The following SLCO1B1 variants were observed in gnomAD, a reference collection of about 807,000 sequenced individuals.
SLCO1B1 encodes OATP-2.
SLCO1B1 carries 81 observed loss-of-function variants against 70.1 expected under a neutral mutation model. The observed-to-expected ratio is 1.16, with a 90% CI of 0.97 to 1.39. The LOEUF is 1.39. Among genes scored for constraint, SLCO1B1 ranks in the 40% most tolerant of loss-of-function variants. The pLI is 0.00. For synonymous variants in SLCO1B1, 283 were observed against 271.5 expected, an observed-to-expected ratio of 1.04 and a Z score of -0.42; for missense variants, 895 against 799.6, an observed-to-expected ratio of 1.12 and a Z score of -1.44.
At chr12:21,153,544 G>A (rs1298264728) in intron 2 of SLCO1B1, among the ~76,000 whole-genome samples, 1 of 151,944 alleles carries the variant, frequency 6.6e-6, no homozygotes, top group Non-Finnish European at 1.5e-5. Context: ...TAATAAAAAT[G>A]CATATTCCAT....
chr12:21,208,689 C>T (rs1941242552), intron 11 of SLCO1B1, among the ~76,000 whole-genome samples: 1 of 151,970 alleles, frequency 6.6e-6, no homozygotes, highest in Non-Finnish European at 1.5e-5. Flanking sequence ...GATAAGAATA[C>T]CATTGAATCT....
At position 21,239,086 on chromosome 12, in the gene SLCO1B1, CAT is replaced by C. The variant is rs752880224; in HGVS notation, c.1974_1975del (p.Ser659ArgfsTer8). 10 of 1,600,538 alleles carry C rather than the reference CAT, an allele frequency of 6.2e-6. No individual in the cohort carries two copies. In the African/African-American group the frequency reaches 1.3e-4, roughly 21 times the overall value. ...AAATATCAAGAGAAAGATATCAATGCATCAGAAAATGGAAGTGTCATGGATGA... is the reference window on the plus strand; with the variant it reads ...AAATATCAAGAGAAAGATATCAATGCCAGAAAATGGAAGTGTCATGGATGA... On this transcript the variant is annotated frameshift_variant, in exon 15 of 15. Transcript: ENST00000256958. LOFTEE classifies it low-confidence loss of function (END_TRUNC).
intron 8 of SLCO1B1, among the ~76,000 whole-genome samples, chr12:21,198,984 A>G (rs1460575237): frequency 6.6e-6 from 1 of 152,122 alleles, no homozygotes; most frequent in African/African-American, 2.4e-5. Context: ...CAAATCAGGG[A>G]TGGTTTTTCA....
chr12:21,133,331 A>G (rs951978753), intron 1 of SLCO1B1, among the ~76,000 whole-genome samples: 2 of 152,108 alleles, frequency 1.3e-5, no homozygotes, highest in Admixed American at 1.3e-4. Context: ...TTTTGGTTCC[A>G]TATGAACTTT....
intron 2 of SLCO1B1, among the ~76,000 whole-genome samples, chr12:21,167,818 CT>C (rs202063952): frequency 0.02 from 2,603 of 131,984 alleles, 64 homozygotes; most frequent in African/African-American, 0.054. Flanking sequence ...TCTTTCTTTT[CT>C]TTTTTTTTTT....
chr12:21,144,672 C>T (rs1210300279), intron 2 of SLCO1B1, among the ~76,000 whole-genome samples: 3 of 152,062 alleles, frequency 2.0e-5, no homozygotes, highest in Non-Finnish European at 2.9e-5. Flanking sequence ...AGAGAAGGGG[C>T]AGGTCACTTA....
intron 5 of SLCO1B1, among the ~76,000 whole-genome samples, chr12:21,177,595 G>A (rs538179700): frequency 3.2e-4 from 48 of 152,024 alleles, no homozygotes; most frequent in Non-Finnish European, 6.3e-4. Flanking sequence ...GTATACGTTT[G>A]TAAATCTTTC....
At chr12:21,187,063 A>G (rs1490753340) in intron 7 of SLCO1B1, among the ~76,000 whole-genome samples, 4 of 152,162 alleles carry the variant, frequency 2.6e-5, no homozygotes, top group Admixed American at 2.6e-4. Context: ...TATCTGCATG[A>G]GCAGGTTTTT....
intron 2 of SLCO1B1, among the ~76,000 whole-genome samples, chr12:21,146,815 T>C (rs1031440250): frequency 3.9e-5 from 6 of 152,200 alleles, no homozygotes; most frequent in African/African-American, 9.6e-5. Flanking sequence ...AGTTTAAATG[T>C]GTTAAGGTGT....
chr12:21,216,925 T>C (rs1156533662), intron 11 of SLCO1B1, among the ~76,000 whole-genome samples, 194 bp from the exon 12 acceptor site: 1 of 152,176 alleles, frequency 6.6e-6, no homozygotes, highest in Non-Finnish European at 1.5e-5. Flanking sequence ...ATGAATTACA[T>C]TGTCTTATAT....
chr12:21,150,010 G>T lies in SLCO1B1; in HGVS notation c.84+8352G>T, dbSNP rs922462464. On this transcript the variant is annotated intron_variant, in intron 2 of 14. Transcript: ENST00000256958. Reference sequence around the variant, plus strand: ...AGTCAACCCGGGATGCTCGAGCTTGGTAGGGGGAGGGGTGTCTGCCATTAC... The same window carrying T: ...AGTCAACCCGGGATGCTCGAGCTTGTTAGGGGGAGGGGTGTCTGCCATTAC... 2.0e-5 allele frequency among the ~76,000 whole-genome samples: 3 copies of T among 152,240 alleles called. No homozygotes were observed. In the East Asian group the frequency reaches 5.8e-4, roughly 30 times the overall value.
At chr12:21,181,663 A>T (rs1358410006) in intron 7 of SLCO1B1, among the ~76,000 whole-genome samples, 2 of 151,880 alleles carry the variant, frequency 1.3e-5, no homozygotes, top group Non-Finnish European at 2.9e-5. Context: ...TTTTTCTTTT[A>T]TTATGGTAAG....
intron 1 of SLCO1B1, 104 bp downstream of exon 1, chr12:21,131,340 C>G (rs1213854356): frequency 6.6e-6 from 1 of 152,016 alleles, no homozygotes; most frequent in African/African-American, 2.4e-5. Flanking sequence ...ATTTTATGCT[C>G]TGTGTCTTCC....
chr12:21,210,969 A>G (rs1021335395), intron 11 of SLCO1B1, among the ~76,000 whole-genome samples: 2 of 152,066 alleles, frequency 1.3e-5, no homozygotes, highest in African/African-American at 4.8e-5. Flanking sequence ...GGCTGAGACA[A>G]TGGGGTTTTC....
At chr12:21,228,753 C>T (rs1044160760) in intron 14 of SLCO1B1, among the ~76,000 whole-genome samples, 1 of 152,106 alleles carries the variant, frequency 6.6e-6, no homozygotes, top group Non-Finnish European at 1.5e-5. Context: ...CCTGGAGGTC[C>T]CAGAAAGGAA....
rs149914131 is a variant in SLCO1B1, at chr12:21,147,265, G to T, written c.84+5607G>T. 4.6e-3 allele frequency among the ~76,000 whole-genome samples: 701 copies of T among 152,184 alleles called. 5 individuals are homozygous for T. The highest frequency in any genetic ancestry group is 6.5e-3 in the Non-Finnish European group (442 of 68,000). On this transcript the variant is annotated intron_variant, in intron 2 of 14. Coordinates refer to ENST00000256958, the MANE Select transcript of SLCO1B1 (RefSeq NM_006446.5). ...CTTTGTTTTGGTTATTGTTACCATGGAATGTTTTTCTCCACTTCTTTACTT... is the reference window on the plus strand; with the variant it reads ...CTTTGTTTTGGTTATTGTTACCATGTAATGTTTTTCTCCACTTCTTTACTT...
chr12:21,196,828 A>G (rs1941097278), intron 7 of SLCO1B1, 118 bp from the exon 8 acceptor site: 5 of 1,063,244 alleles, frequency 4.7e-6, no homozygotes, highest in Non-Finnish European at 7.0e-6. Context: ...AAATTAAAAG[A>G]AAAAAATCGT....
At chr12:21,228,813 C>G (rs1941504764) in intron 14 of SLCO1B1, among the ~76,000 whole-genome samples, 1 of 152,080 alleles carries the variant, frequency 6.6e-6, no homozygotes, top group Admixed American at 6.6e-5. Flanking sequence ...AAGTATTAGG[C>G]TTCTAACTGC....
At chr12:21,184,411 A>G (rs1038073278) in intron 7 of SLCO1B1, among the ~76,000 whole-genome samples, 2 of 152,160 alleles carry the variant, frequency 1.3e-5, no homozygotes, top group African/African-American at 4.8e-5. Context: ...ATCTTGCAGA[A>G]CACCTTTGAG....
Sources: allele counts gnomAD v4.1 joint callset (sites outside exome capture counted in the v4.1 genomes callset), GRCh38; gene constraint gnomAD v4.1.1; transcripts MANE v1.5; gene names NCBI Gene and HGNC (gene_info 2026-07-23, HGNC 2026-07-21).